The following MTUS1 variants were observed in gnomAD, a reference collection of about 807,000 sequenced individuals.
MTUS1 encodes the protein microtubule-associated tumor suppressor 1.
Under a neutral mutation model 120.8 loss-of-function variants are expected in MTUS1, and 109 were observed. The ratio of observed to expected loss-of-function variants is 0.90; its 90% CI spans 0.77 to 1.06. MTUS1 has a LOEUF of 1.06. Ranked by LOEUF, MTUS1 falls within the 50% of genes least tolerant of loss-of-function variation. The pLI, the probability that MTUS1 is intolerant of heterozygous loss-of-function variation, is 0.00. For missense variants in MTUS1, 2,210 were observed against 1,486.3 expected (o/e 1.49, Z -8.01); for synonymous variants, 737 against 550.5 (o/e 1.34, Z -4.74).
At chr8:17,790,213 T>C (rs1305461143) in intron 1 of MTUS1, among the ~76,000 whole-genome samples, 1 of 151,970 alleles carries the variant, frequency 6.6e-6, no homozygotes, top group African/African-American at 2.4e-5. Flanking sequence ...CCAGACATGA[T>C]GGCACACACC....
At chr8:17,730,565 G>A (rs2131170072) in intron 3 of MTUS1, among the ~76,000 whole-genome samples, 1 of 151,086 alleles carries the variant, frequency 6.6e-6, no homozygotes, top group Admixed American at 6.6e-5. Flanking sequence ...ATTCACAATA[G>A]CCAAAATGTG....
At chr8:17,646,922 G>T in intron 14 of MTUS1, 60 bp downstream of exon 14, 3 of 1,265,516 alleles carry the variant, frequency 2.4e-6, no homozygotes, top group Non-Finnish European at 3.5e-6. Flanking sequence ...TGTCCAGAAA[G>T]TACACTGGAT....
intron 6 of MTUS1, among the ~76,000 whole-genome samples, chr8:17,690,469 A>T (rs764939946): frequency 6.6e-6 from 1 of 152,240 alleles, no homozygotes; most frequent in Non-Finnish European, 1.5e-5. Flanking sequence ...TATGGAAAAC[A>T]GTATGGAGAT....
At chr8:17,723,538 G>T in intron 4 of MTUS1, 134 bp downstream of exon 4, 1 of 880,692 alleles carries the variant, frequency 1.1e-6, no homozygotes, top group Non-Finnish European at 1.9e-6. Context: ...AACTTTCAGA[G>T]CAACTCCAAG....
intron 1 of MTUS1, among the ~76,000 whole-genome samples, chr8:17,765,105 AG>A (rs1472060244): frequency 6.6e-6 from 1 of 152,178 alleles, no homozygotes; most frequent in Non-Finnish European, 1.5e-5. Context: ...CTCGCAACCT[AG>A]ATACCTCGCA....
chr8:17,669,224 G>C (rs1811513571), intron 8 of MTUS1, among the ~76,000 whole-genome samples: 1 of 152,186 alleles, frequency 6.6e-6, no homozygotes, highest in Admixed American at 6.5e-5. Flanking sequence ...TGAAAGATTT[G>C]GGTGAAATTC....
intron 1 of MTUS1, among the ~76,000 whole-genome samples, chr8:17,785,138 G>C (rs2051199820): frequency 1.3e-5 from 2 of 151,838 alleles, no homozygotes; most frequent in Non-Finnish European, 2.9e-5. Flanking sequence ...TCTATCACAT[G>C]CAGCTTCTTT....
chr8:17,735,318 G>T (rs772212432), intron 3 of MTUS1, among the ~76,000 whole-genome samples: 11 of 151,916 alleles, frequency 7.2e-5, no homozygotes, highest in Non-Finnish European at 1.6e-4. Context: ...CGGCGGTTGG[G>T]GAGACACTTA....
chr8:17,769,332 A>C (rs927655333), intron 1 of MTUS1, among the ~76,000 whole-genome samples: 1 of 145,026 alleles, frequency 6.9e-6, no homozygotes, highest in Non-Finnish European at 1.5e-5. Context: ...GCATTTCTGA[A>C]GGCTTAGTCA....
At chr8:17,728,239 G>A (rs1563278629) in intron 3 of MTUS1, among the ~76,000 whole-genome samples, 1 of 152,128 alleles carries the variant, frequency 6.6e-6, no homozygotes, top group Non-Finnish European at 1.5e-5. Context: ...TGTGTTGTAG[G>A]AAGCTGGGAT....
chr8:17,659,795 C>T (rs547672550), intron 8 of MTUS1, among the ~76,000 whole-genome samples: 1 of 152,268 alleles, frequency 6.6e-6, no homozygotes, highest in South Asian at 2.1e-4. Flanking sequence ...ACACTTACAT[C>T]GTTGTGTAAG....
At chr8:17,654,836 C>A in intron 9 of MTUS1, 170 bp from the exon 10 acceptor site, 1 of 596,272 alleles carries the variant, frequency 1.7e-6, no homozygotes, top group South Asian at 2.1e-5. Context: ...CACTTGTAAC[C>A]TCAGCACTCT....
At chr8:17,784,915 G>C (rs183954844) in intron 1 of MTUS1, among the ~76,000 whole-genome samples, 2 of 151,982 alleles carry the variant, frequency 1.3e-5, no homozygotes, top group East Asian at 1.9e-4. Flanking sequence ...TGCCTGAGTA[G>C]CTGGGATTAT....
In MTUS1 at chr8:17,723,417, C is replaced by A. The variant is rs1321600234; in HGVS notation, c.2449+255G>T. The A allele has an allele frequency of 1.2e-5, 6 of 514,918 alleles. No homozygotes were observed. The East Asian group carries it at 1.7e-4, about 15-fold the overall frequency. 31.9% of individuals were successfully genotyped at this position (514,918 alleles called of 1,614,324 possible). A position where few individuals can be genotyped will look rare whatever the true frequency, so the allele number is the denominator to read the frequency against. ...AATCCCCTGGGTTGCTACTCTTAAA[C>A]CTCCAAAACACCATCACTTCAGACG... On this transcript the variant is annotated intron_variant, in intron 4 of 14. Coordinates refer to ENST00000693296, the MANE Select transcript of MTUS1 (RefSeq NM_001363059.2).
intron 1 of MTUS1, among the ~76,000 whole-genome samples, chr8:17,798,168 A>T (rs79695504): frequency 0.039 from 5,998 of 152,298 alleles, 400 homozygotes; most frequent in African/African-American, 0.14. Flanking sequence ...ATTCAGTCTT[A>T]GGGATTTAAA....
In MTUS1 at chr8:17,655,884, G is replaced by T; in HGVS notation, c.3087C>A (p.Tyr1029Ter). Residue 1029 changes from tyrosine to a stop codon, truncating the protein, a stop_gained, in exon 9 of 15, where the codon TAC becomes TAA. Coordinates refer to ENST00000693296, the MANE Select transcript of MTUS1 (RefSeq NM_001363059.2). LOFTEE classifies it high-confidence loss of function. ...RDTYIEEAEK[Y>*]KMQLQEQFDN... ...AGACCTGCTCTTGCAATTGCATTTT[G>T]TACTTCTCTGCTTCTTCAATGTAAG... 6.2e-7 allele frequency: 1 copy of T among 1,614,178 alleles called. No individual in the cohort carries two copies. The highest frequency in any genetic ancestry group is 1.1e-5 in the South Asian group (1 of 91,078).
chr8:17,724,985 G>A (rs2046120063), intron 3 of MTUS1, among the ~76,000 whole-genome samples: 1 of 151,876 alleles, frequency 6.6e-6, no homozygotes, highest in Non-Finnish European at 1.5e-5. Context: ...CAAACTTCTG[G>A]CCTTAAGCAG....
rs770003361 is a variant in MTUS1, at chr8:17,684,311, A to C, written c.2838+17T>G. The C allele has an allele frequency of 6.2e-7, 1 of 1,606,246 alleles. No individual in the cohort carries two copies. Among genetic ancestry groups the C allele is most frequent in the South Asian group, 1.1e-5 (1 of 90,950 alleles). ...GACCTCAAGTAGAAAGGCTCTTTCT[A>C]GGATGCACCTCCTTACCTCAGACAG... On this transcript the variant is annotated intron_variant, in intron 7 of 14. Coordinates refer to ENST00000693296, the MANE Select transcript of MTUS1 (RefSeq NM_001363059.2).
intron 3 of MTUS1, among the ~76,000 whole-genome samples, chr8:17,733,408 T>C (rs1303912757): frequency 6.6e-6 from 1 of 151,308 alleles, no homozygotes; most frequent in Admixed American, 6.6e-5. Context: ...CATAAACATA[T>C]GTGCATGAGA....
Sources: gnomAD v4.1 joint callset for allele counts (sites outside exome capture counted in the v4.1 genomes callset) on GRCh38, gnomAD v4.1.1 for gene constraint, MANE v1.5 for transcripts, NCBI Gene and HGNC (gene_info 2026-07-23, HGNC 2026-07-21) for gene names.